The following KHDRBS2 variants were observed in gnomAD, a reference collection of about 807,000 sequenced individuals.
KHDRBS2 encodes KH RNA binding domain containing, signal transduction associated 2.
A neutral mutation model predicts 44.3 loss-of-function variants in KHDRBS2; 26 were observed. The ratio of observed to expected loss-of-function variants is 0.59; its 90% CI spans 0.43 to 0.81. KHDRBS2 has a LOEUF of 0.81. Ranked by LOEUF, KHDRBS2 falls within the 40% of genes least tolerant of loss-of-function variation. The pLI is 0.00. For missense variants in KHDRBS2, 476 were observed against 433.1 expected (o/e 1.10, Z -0.88); for synonymous variants, 194 against 151.1 (o/e 1.28, Z -2.08).
At chr6:61,600,717 C>T in the KHDRBS2 span, among the ~76,000 whole-genome samples, 12 of 152,118 alleles carry the variant, frequency 7.9e-5, no homozygotes, top group South Asian at 6.2e-4. Flanking sequence ...TGAAGAGATC[C>T]GTCTACGACT....
chr6:61,796,697 G>T (rs1360925379), intron 6 of KHDRBS2, among the ~76,000 whole-genome samples: 1 of 151,976 alleles, frequency 6.6e-6, no homozygotes, highest in African/African-American at 2.4e-5. Context: ...TATAATTTTG[G>T]TTATGTACAA....
intron 6 of KHDRBS2, among the ~76,000 whole-genome samples, chr6:61,888,682 C>G (rs2127325146): frequency 6.6e-6 from 1 of 151,706 alleles, no homozygotes; most frequent in Non-Finnish European, 1.5e-5. Context: ...CTGCCTCAGC[C>G]TCCCGAGTAG....
intron 2 of KHDRBS2, among the ~76,000 whole-genome samples, chr6:62,146,481 C>T (rs578073243): frequency 4.8e-5 from 7 of 146,204 alleles, no homozygotes; most frequent in East Asian, 2.0e-4. Context: ...AAAAAAAAAA[C>T]GGTTTAAAAA....
At chr6:61,937,890 C>G (rs1438460019) in intron 4 of KHDRBS2, among the ~76,000 whole-genome samples, 1 of 152,004 alleles carries the variant, frequency 6.6e-6, no homozygotes, top group African/African-American at 2.4e-5. Context: ...TAATTTCTGG[C>G]ACGTGAAGAT....
intron 8 of KHDRBS2, among the ~76,000 whole-genome samples, chr6:61,685,358 C>A (rs943670297): frequency 6.6e-6 from 1 of 151,610 alleles, no homozygotes; most frequent in Non-Finnish European, 1.5e-5. Context: ...GTGGTAGACA[C>A]TGAATAAGAG....
intron 6 of KHDRBS2, among the ~76,000 whole-genome samples, chr6:61,869,974 T>TGTTTG (rs76495122): frequency 6.7e-6 from 1 of 148,268 alleles, no homozygotes; most frequent in Non-Finnish European, 1.5e-5. Flanking sequence ...GTTTTTTTTT[T>TGTTTG]TTTTTTTTTT....
At chr6:61,646,118 G>C in the KHDRBS2 span, among the ~76,000 whole-genome samples, 9 of 152,144 alleles carry the variant, frequency 5.9e-5, no homozygotes, top group African/African-American at 1.9e-4. Flanking sequence ...TCCATATAAA[G>C]TACTTAGAAC....
intron 4 of KHDRBS2, among the ~76,000 whole-genome samples, chr6:61,968,038 AGT>A (rs1770509335): frequency 6.6e-6 from 1 of 151,134 alleles, no homozygotes; most frequent in African/African-American, 2.4e-5. Flanking sequence ...ATGGCACAGT[AGT>A]TAAATCTATA....
chr6:62,081,040 G>A (rs559159363), intron 2 of KHDRBS2, among the ~76,000 whole-genome samples: 12 of 152,144 alleles, frequency 7.9e-5, no homozygotes, highest in African/African-American at 2.4e-4. Flanking sequence ...CTGACCATAC[G>A]TTATAGATAT....
At chr6:61,739,176 AC>A (rs1775807840) in intron 6 of KHDRBS2, among the ~76,000 whole-genome samples, 1 of 151,918 alleles carries the variant, frequency 6.6e-6, no homozygotes, top group African/African-American at 2.4e-5. Flanking sequence ...ATCCACTATA[AC>A]TTTTTATAAT....
intron 6 of KHDRBS2, among the ~76,000 whole-genome samples, chr6:61,768,710 G>T (rs1417026950): frequency 1.3e-5 from 2 of 151,990 alleles, no homozygotes; most frequent in African/African-American, 2.4e-5. Context: ...CTGTTGCCAG[G>T]GTTTGGGGTA....
At chr6:62,215,811 G>A (rs1303904096) in intron 1 of KHDRBS2, among the ~76,000 whole-genome samples, 1 of 151,546 alleles carries the variant, frequency 6.6e-6, no homozygotes, top group Non-Finnish European at 1.5e-5. Flanking sequence ...GACTTATGTT[G>A]AAGAAGCCAA....
chr6:61,597,979 A>G, the KHDRBS2 span, among the ~76,000 whole-genome samples: 1 of 149,484 alleles, frequency 6.7e-6, no homozygotes, highest in East Asian at 2.0e-4. Flanking sequence ...TTTAAAACAA[A>G]ATTAAATATC....
chr6:61,892,209 T>C (rs1801972341), intron 6 of KHDRBS2, among the ~76,000 whole-genome samples: 1 of 152,088 alleles, frequency 6.6e-6, no homozygotes, highest in Non-Finnish European at 1.5e-5. Context: ...GTGAAGGACC[T>C]CTTCAAGGAG....
chr6:61,799,216 A>T (rs1328461880), intron 6 of KHDRBS2, among the ~76,000 whole-genome samples: 1 of 152,214 alleles, frequency 6.6e-6, no homozygotes, highest in African/African-American at 2.4e-5. Context: ...AGATGTAAGT[A>T]GGCAGAGATA....
At chr6:61,782,813 C>G (rs1783214151) in intron 6 of KHDRBS2, among the ~76,000 whole-genome samples, 1 of 149,498 alleles carries the variant, frequency 6.7e-6, no homozygotes, top group Non-Finnish European at 1.5e-5. Flanking sequence ...CTAGGTTGAG[C>G]ATGGCTGGAC....
the KHDRBS2 span, among the ~76,000 whole-genome samples, chr6:61,591,262 C>T: frequency 6.6e-6 from 1 of 151,970 alleles, no homozygotes; most frequent in Non-Finnish European, 1.5e-5. Flanking sequence ...AGAATATGTG[C>T]CTATTCACTT....
intron 2 of KHDRBS2, among the ~76,000 whole-genome samples, chr6:62,127,920 GC>G (rs1438483607): frequency 6.6e-6 from 1 of 152,078 alleles, no homozygotes; most frequent in African/African-American, 2.4e-5. Flanking sequence ...GTTAACATCT[GC>G]CAGGGACCAT....
chr6:62,285,055 G>A (rs1272111670), intron 1 of KHDRBS2, among the ~76,000 whole-genome samples: 1 of 152,078 alleles, frequency 6.6e-6, no homozygotes, highest in Non-Finnish European at 1.5e-5. Context: ...GGTGTCTTTA[G>A]TATTTAGATG....
Sources: allele counts gnomAD v4.1 joint callset (sites outside exome capture counted in the v4.1 genomes callset), GRCh38; gene constraint gnomAD v4.1.1; transcripts MANE v1.5; gene names NCBI Gene and HGNC (gene_info 2026-07-23, HGNC 2026-07-21).